ADH1A: variants seen among roughly 807,000 people sequenced by gnomAD.
ADH1A encodes alcohol dehydrogenase 1A.
In ADH1A, 29 loss-of-function variants were observed where a neutral mutation model predicts 35.2. That is an observed-to-expected ratio of 0.82 (90% CI 0.61 to 1.12). The LOEUF (loss-of-function observed/expected upper bound fraction) is 1.12, where lower values mean the gene tolerates loss of function less well. Among genes scored for constraint, ADH1A ranks in the 50% most tolerant of loss-of-function variants. The probability of loss-of-function intolerance (pLI) is 0.00; values close to 1 mark genes in which losing one functional copy is unlikely to be tolerated. For missense variants in ADH1A, 469 were observed against 464.7 expected, an observed-to-expected ratio of 1.01 and a Z score of -0.09; for synonymous variants, 147 against 164.8, an observed-to-expected ratio of 0.89 and a Z score of 0.83.
At chr4:99,288,662 G>C (rs1430745032) in intron 1 of ADH1A, 1 of 152,058 alleles carries the variant, frequency 6.6e-6, no homozygotes, top group Non-Finnish European at 1.5e-5. Context: ...ATTCAACTTT[G>C]CAGGATGTTC....
At chr4:99,282,707 A>T in intron 5 of ADH1A, 101 bp from the exon 6 acceptor site, 5 of 1,513,702 alleles carry the variant, frequency 3.3e-6, no homozygotes, top group Non-Finnish European at 4.4e-6. Flanking sequence ...TCAATCTGTT[A>T]TCAAAACCTC....
intron 5 of ADH1A, among the ~76,000 whole-genome samples, chr4:99,283,892 C>G (rs1298960124): frequency 2.6e-5 from 4 of 152,152 alleles, no homozygotes; most frequent in Non-Finnish European, 1.5e-5. Flanking sequence ...TACTTTCAGT[C>G]TAAGAATCCA....
intron 8 of ADH1A, among the ~76,000 whole-genome samples, chr4:99,277,004 T>C (rs1231137223): frequency 6.6e-6 from 1 of 152,164 alleles, no homozygotes; most frequent in Non-Finnish European, 1.5e-5. Context: ...ATTTGTCACA[T>C]TCTTCATGCA....
chr4:99,282,364 G>C lies in ADH1A; in HGVS notation c.810C>G (p.Ile270Met), dbSNP rs779102773. The C allele has an allele frequency of 1.9e-6, 3 of 1,614,164 alleles. No homozygotes were observed. The Admixed American group carries it at 5.0e-5, about 27-fold the overall frequency. The change falls in exon 6 of 9, where the codon ATC (isoleucine) becomes ATG (methionine). Residue 270 changes from isoleucine (I) to methionine (M), a missense_variant. Physicochemically the swap from Ile to Met is conservative, Grantham distance 10 (BLOSUM62 1). Coordinates refer to ENST00000209668, the MANE Select transcript of ADH1A (RefSeq NM_000667.4). ...TACATACCATGGTGTCAAGCCGACC[G>C]ATGACTTCAAATGAAAAATCCACAC... is the stretch of plus-strand genomic sequence containing the variant. The part of the protein sequence containing the change: ...DGGVDFSFEV[I>M]GRLDTMMASL...
intron 8 of ADH1A, among the ~76,000 whole-genome samples, chr4:99,279,126 T>A (rs1405012871): frequency 1.4e-5 from 2 of 141,616 alleles, no homozygotes; most frequent in African/African-American, 5.8e-5. Context: ...TAAAAAGACT[T>A]TTTTTTTTTT....
intron 8 of ADH1A, 46 bp downstream of exon 8, chr4:99,279,380 T>C (rs201225052): frequency 2.6e-6 from 4 of 1,565,446 alleles, no homozygotes; most frequent in Non-Finnish European, 3.4e-6. Flanking sequence ...GACAATCCCC[T>C]ATGGTAGAAA....
intron 1 of ADH1A, among the ~76,000 whole-genome samples, chr4:99,290,464 C>A (rs1430709351): frequency 6.6e-6 from 1 of 152,066 alleles, no homozygotes; most frequent in Non-Finnish European, 1.5e-5. Context: ...AAATCAAATC[C>A]TCTCATAAAA....
At chr4:99,277,314 G>A (rs1041318345) in intron 8 of ADH1A, among the ~76,000 whole-genome samples, 1 of 152,048 alleles carries the variant, frequency 6.6e-6, no homozygotes, top group Non-Finnish European at 1.5e-5. Flanking sequence ...AAGTCGATTT[G>A]TATTAATTCT....
intron 1 of ADH1A, among the ~76,000 whole-genome samples, chr4:99,289,251 A>G (rs1291179967): frequency 6.6e-6 from 1 of 152,114 alleles, no homozygotes; most frequent in African/African-American, 2.4e-5. Context: ...TGTATTTTGT[A>G]ATTGCAAATT....
intron 8 of ADH1A, among the ~76,000 whole-genome samples, chr4:99,277,067 T>C (rs1327355616): frequency 6.6e-6 from 1 of 152,116 alleles, no homozygotes; most frequent in Non-Finnish European, 1.5e-5. Context: ...TAGATTTTCA[T>C]ATTATTTTGA....
chr4:99,289,137 A>C (rs1461555213), intron 1 of ADH1A, among the ~76,000 whole-genome samples: 1 of 152,162 alleles, frequency 6.6e-6, no homozygotes, highest in Non-Finnish European at 1.5e-5. Context: ...TGCAAAGGCC[A>C]TTATTTTATT....
chr4:99,288,121 A>T (rs899438138), intron 1 of ADH1A, among the ~76,000 whole-genome samples: 4 of 152,232 alleles, frequency 2.6e-5, no homozygotes, highest in African/African-American at 7.2e-5. Context: ...ATCTGAGTTT[A>T]TAAGGATATA....
At chr4:99,290,072 A>C (rs944420966) in intron 1 of ADH1A, among the ~76,000 whole-genome samples, 3 of 152,202 alleles carry the variant, frequency 2.0e-5, no homozygotes, top group African/African-American at 7.2e-5. Flanking sequence ...AAATAGTTGC[A>C]CAAATTTTTG....
In ADH1A at chr4:99,284,539, C is replaced by T; in HGVS notation, c.427G>A (p.Gly143Ser). 1 of 1,614,216 alleles carries T rather than the reference C, an allele frequency of 6.2e-7. No homozygotes were observed. The highest frequency in any genetic ancestry group is 1.1e-5 in the South Asian group (1 of 91,078). ...GTGTACTGTGAGAAGGTGCTGATGC[C>T]AAGGAAGTGGTGGATGGGCTTCCTC... Reference protein sequence around the residue: ...CRRKPIHHFLGISTFSQYTVV... With the variant: ...CRRKPIHHFLSISTFSQYTVV... Residue 143 changes from glycine (G) to serine (S), a missense_variant, in exon 5 of 9, where the codon GGC (glycine) becomes AGC (serine). Gly to Ser is a moderately conservative substitution (Grantham distance 56). Coordinates refer to ENST00000209668, the MANE Select transcript of ADH1A (RefSeq NM_000667.4).
intron 3 of ADH1A, among the ~76,000 whole-genome samples, 185 bp from the exon 4 acceptor site, chr4:99,284,988 T>C (rs1733114098): frequency 6.6e-6 from 1 of 152,216 alleles, no homozygotes; most frequent in Non-Finnish European, 1.5e-5. Context: ...AGTTTGGGTT[T>C]ATAAGTGCCT....
At chr4:99,283,563 C>T (rs1020028210) in intron 5 of ADH1A, among the ~76,000 whole-genome samples, 6 of 152,098 alleles carry the variant, frequency 3.9e-5, no homozygotes, top group Non-Finnish European at 7.4e-5. Context: ...AAATACAAGG[C>T]TTGTGACTGT....
intron 6 of ADH1A, 156 bp downstream of exon 6, chr4:99,282,190 T>C (rs1339439371): frequency 7.1e-7 from 1 of 1,415,312 alleles, no homozygotes; most frequent in Admixed American, 1.9e-5. Context: ...AGATTCCTCA[T>C]AACAATAAAT....
In ADH1A at chr4:99,287,608, CCT is replaced by C. The variant is rs1388697262; in HGVS notation, c.74_75del (p.Glu25GlyfsTer8). 6.2e-7 allele frequency: 1 copy of C among 1,613,798 alleles called. No individual in the cohort carries two copies. Among genetic ancestry groups the C allele is most frequent in the African/African-American group, 1.3e-5 (1 of 74,908 alleles). On this transcript the variant is annotated frameshift_variant, in exon 2 of 9. Transcript: ENST00000209668. LOFTEE classifies it high-confidence loss of function. ...LWELKKPFSI[E>X]EVEVAPPKAH... Reference sequence around the variant, plus strand: ...GCCTTAGGAGGTGCAACCTCCACCTCCTCAATGGAAAAGGGTTTCTTTAACTC... The same window carrying C: ...GCCTTAGGAGGTGCAACCTCCACCTCCAATGGAAAAGGGTTTCTTTAACTC...
At chr4:99,285,991 C>G (rs1733142135) in intron 3 of ADH1A, among the ~76,000 whole-genome samples, 1 of 129,440 alleles carries the variant, frequency 7.7e-6, no homozygotes, top group Non-Finnish European at 1.6e-5. Context: ...CACTGCACTC[C>G]AGCCTGGGCG....
Sources: allele counts gnomAD v4.1 joint callset (sites outside exome capture counted in the v4.1 genomes callset), GRCh38; gene constraint gnomAD v4.1.1; transcripts MANE v1.5; gene names NCBI Gene and HGNC (gene_info 2026-07-23, HGNC 2026-07-21).